Variants in TTYH3 observed in about 807,000 individuals in gnomAD.
The protein encoded by TTYH3 is protein tweety homolog 3.
In TTYH3, 23 loss-of-function variants were observed where a neutral mutation model predicts 68.2. The observed-to-expected ratio is 0.34, with a 90% CI of 0.24 to 0.48. The LOEUF is 0.48. Ranked by LOEUF, TTYH3 falls within the 20% of genes least tolerant of loss-of-function variation. The pLI, the probability that TTYH3 is intolerant of heterozygous loss-of-function variation, is 0.99. For synonymous variants in TTYH3, 360 were observed against 332.8 expected (o/e 1.08, Z -0.89); for missense variants, 768 against 727.7 (o/e 1.06, Z -0.64).
At chr7:2,639,561 G>A (rs745507641) in intron 1 of TTYH3, among the ~76,000 whole-genome samples, 5 of 152,360 alleles carry the variant, frequency 3.3e-5, no homozygotes, top group Non-Finnish European at 7.3e-5. Context: ...CCCAGCGCAA[G>A]CTGCTGCTAA....
At chr7:2,650,741 G>A (rs1786152203) in intron 7 of TTYH3, among the ~76,000 whole-genome samples, 1 of 152,028 alleles carries the variant, frequency 6.6e-6, no homozygotes, top group African/African-American at 2.4e-5. Context: ...GAGGGAGGCA[G>A]GGGAGAGATT....
chr7:2,635,764 G>C (rs1243401512), intron 1 of TTYH3, among the ~76,000 whole-genome samples: 1 of 152,238 alleles, frequency 6.6e-6, no homozygotes, highest in African/African-American at 2.4e-5. Context: ...CCCTGCCTCA[G>C]TTTGCCTAGC....
At chr7:2,652,072 C>G in intron 7 of TTYH3, 115 bp from the exon 8 acceptor site, 1 of 848,762 alleles carries the variant, frequency 1.2e-6, no homozygotes, top group Non-Finnish European at 2.0e-6. Flanking sequence ...CACATGCACA[C>G]ATGTAAACAT....
In TTYH3 at chr7:2,649,967, G is replaced by A. The variant is rs1199522706; in HGVS notation, c.850G>A (p.Glu284Lys). ...CGCCTACGTGACCAAAATGGTGGAG[G>A]AGTACTCGGTGCTGAGTGGGGGTGA... is the stretch of plus-strand genomic sequence containing the variant. ...PDAYVTKMVE[E>K]YSVLSGDILQ... The change falls in exon 7 of 14, where the codon GAG becomes AAG. Residue 284 changes from glutamate (E) to lysine (K), a missense_variant. Physicochemically the swap from Glu to Lys is moderately conservative, Grantham distance 56. Transcript: ENST00000258796. The A allele has an allele frequency of 6.2e-7, 1 of 1,613,930 alleles. No individual in the cohort carries two copies. The highest frequency in any genetic ancestry group is 1.3e-5 in the African/African-American group (1 of 74,928).
chr7:2,659,940 C>T (rs1044692032), intron 13 of TTYH3: 67 of 1,303,464 alleles, frequency 5.1e-5, no homozygotes, highest in Non-Finnish European at 6.4e-5. Flanking sequence ...GCCCTCCTAG[C>T]GCTATCTGGC....
chr7:2,661,817 C>A lies in TTYH3; in HGVS notation c.*78C>A. 6.8e-7 allele frequency: 1 copy of A among 1,473,994 alleles called. No individual in the cohort carries two copies. Among genetic ancestry groups the A allele is most frequent in the Non-Finnish European group, 9.2e-7 (1 of 1,085,410 alleles). The allele number at this position is 1,473,994 out of a possible 1,614,324, so 91.3% of individuals were successfully genotyped here. A position where few individuals can be genotyped will look rare whatever the true frequency, so the allele number is the denominator to read the frequency against. On this transcript the variant is annotated 3_prime_UTR_variant, in exon 14 of 14. Coordinates refer to ENST00000258796, the MANE Select transcript of TTYH3 (RefSeq NM_025250.3). ...GCACTGCCGCTTCCACCTGGGCCAC[C>A]CACCGGACCCTCGCACGCCGTGCCA...
rs1306515144 is a variant in TTYH3, at chr7:2,640,598, T to C, written c.124-6255T>C. Reference sequence around the variant, plus strand: ...TGCTGTCATGCATGGCCCTCCCACCTTGGCAGCCTGGTGTGGTGTGGCCTG... The same window carrying C: ...TGCTGTCATGCATGGCCCTCCCACCCTGGCAGCCTGGTGTGGTGTGGCCTG... On this transcript the variant is annotated intron_variant, in intron 1 of 13. Coordinates refer to ENST00000258796, the MANE Select transcript of TTYH3 (RefSeq NM_025250.3). Among the ~76,000 whole-genome samples the C allele has an allele frequency of 2.6e-5, 4 of 152,308 alleles. 1 individual carries two copies. In the East Asian group the frequency reaches 5.8e-4, roughly 22 times the overall value.
Position 2,656,161 on chromosome 7 carries a change from G to A in TTYH3, c.1090G>A (p.Val364Met). The stretch of plus-strand genomic sequence containing the variant: ...GAACCTGCAGCACCTCACCGCCCTG[G>A]TGGACTGCCGCAGCCTGCATCTGGT... The part of the protein sequence containing the change: ...EVNLQHLTAL[V>M]DCRSLHLDYV... Residue 364 changes from valine (V) to methionine (M), a missense_variant, in exon 10 of 14, where the codon GTG becomes ATG. Val to Met is a conservative substitution (Grantham distance 21). Coordinates refer to ENST00000258796, the MANE Select transcript of TTYH3 (RefSeq NM_025250.3). The A allele has an allele frequency of 6.4e-7, 1 of 1,569,560 alleles. No homozygotes were observed. The highest frequency in any genetic ancestry group is 8.6e-7 in the Non-Finnish European group (1 of 1,157,760).
chr7:2,658,049 C>T (rs562787000), intron 11 of TTYH3, among the ~76,000 whole-genome samples: 26 of 152,220 alleles, frequency 1.7e-4, no homozygotes, highest in African/African-American at 2.7e-4. Context: ...ATGCACAGGC[C>T]GCAGTACAGG....
intron 1 of TTYH3, among the ~76,000 whole-genome samples, chr7:2,637,399 G>C (rs1383689675): frequency 6.6e-6 from 1 of 152,164 alleles, no homozygotes. Context: ...AGTGGCCCTG[G>C]GAGGTGGACA....
At position 2,658,454 on chromosome 7, in the gene TTYH3, G is replaced by C; in HGVS notation, c.1419G>C (p.Glu473Asp). Residue 473 changes from glutamate to aspartate, a missense_variant, in exon 12 of 14, where the codon GAG becomes GAC. Transcript: ENST00000258796. ...AHTVSNAPVTEYMSQNANFQN... is the reference protein window; with the variant it reads ...AHTVSNAPVTDYMSQNANFQN... ...CCGTCAGCAACGCCCCGGTCACTGA[G>C]TACATGTGAGTTGACGTGGGCCTAG... The C allele has an allele frequency of 6.2e-7, 1 of 1,608,542 alleles. No individual in the cohort carries two copies. The highest frequency in any genetic ancestry group is 8.5e-7 in the Non-Finnish European group (1 of 1,176,896).
chr7:2,659,772 C>T (rs1379445325), intron 13 of TTYH3, among the ~76,000 whole-genome samples: 3 of 152,076 alleles, frequency 2.0e-5, no homozygotes, highest in South Asian at 2.1e-4. Flanking sequence ...TGGGAGGGGC[C>T]GGGCCTGTGA....
At chr7:2,658,866 C>T in intron 12 of TTYH3, 74 bp from the exon 13 acceptor site, 18 of 1,452,096 alleles carry the variant, frequency 1.2e-5, no homozygotes, top group Non-Finnish European at 1.6e-5. Context: ...CGGGCCTACC[C>T]ATGGGCCCCC....
At chr7:2,660,741 A>G (rs764611936) in intron 13 of TTYH3, among the ~76,000 whole-genome samples, 4 of 151,864 alleles carry the variant, frequency 2.6e-5, no homozygotes, top group African/African-American at 4.8e-5. Context: ...TCTGGGGACT[A>G]TGGGGATGGG....
At chr7:2,660,924 C>T (rs563448187) in intron 13 of TTYH3, among the ~76,000 whole-genome samples, 7 of 152,344 alleles carry the variant, frequency 4.6e-5, no homozygotes, top group Non-Finnish European at 7.4e-5. Flanking sequence ...TGCACACACA[C>T]GTGCACTCAA....
chr7:2,642,122 C>A (rs541568898), intron 1 of TTYH3, among the ~76,000 whole-genome samples: 1 of 152,244 alleles, frequency 6.6e-6, no homozygotes. Flanking sequence ...CTCAGCCAAT[C>A]GCGGTGCTCA....
intron 5 of TTYH3, 53 bp downstream of exon 5, chr7:2,648,107 A>G: frequency 1.3e-6 from 2 of 1,541,298 alleles, no homozygotes; most frequent in Non-Finnish European, 1.8e-6. Flanking sequence ...GGGCAGGGCA[A>G]GGCACCATGT....
intron 7 of TTYH3, among the ~76,000 whole-genome samples, chr7:2,651,891 T>C (rs1489121532): frequency 6.6e-6 from 1 of 152,080 alleles, no homozygotes; most frequent in Admixed American, 6.5e-5. Flanking sequence ...GGCATGTGTG[T>C]AAATGCATGC....
intron 1 of TTYH3, among the ~76,000 whole-genome samples, chr7:2,638,399 C>T (rs1785737766): frequency 6.6e-6 from 1 of 152,112 alleles, no homozygotes; most frequent in African/African-American, 2.4e-5. Context: ...GGTCCCCCGG[C>T]TACAGGGTGC....
Sources: allele counts gnomAD v4.1 joint callset (sites outside exome capture counted in the v4.1 genomes callset), GRCh38; gene constraint gnomAD v4.1.1; transcripts MANE v1.5; gene names NCBI Gene and HGNC (gene_info 2026-07-23, HGNC 2026-07-21).